The following TNS2 variants were observed in gnomAD, a reference collection of about 807,000 sequenced individuals.
TNS2 encodes tensin-2.
In TNS2, 77 loss-of-function variants were observed where a neutral mutation model predicts 155.7. The observed-to-expected ratio is 0.49, with a 90% CI of 0.41 to 0.60. The LOEUF (loss-of-function observed/expected upper bound fraction) is 0.60, where lower values mean the gene tolerates loss of function less well. TNS2 is among the 20% of genes least tolerant of loss of function. TNS2 has a pLI of 0.00. For missense variants in TNS2, 1,703 were observed against 1,868.8 expected, an observed-to-expected ratio of 0.91 and a Z score of 1.64; for synonymous variants, 726 against 763.9, an observed-to-expected ratio of 0.95 and a Z score of 0.82.
chr12:53,049,016 C>A, upstream of TNS2: 1 of 634,588 alleles, frequency 1.6e-6, no homozygotes, highest in Non-Finnish European at 2.6e-6. Flanking sequence ...GGGCTGAAGA[C>A]TCCCAGGCCA....
intron 23 of TNS2, 31 bp from the exon 24 acceptor site, chr12:53,062,345 T>C: frequency 6.2e-7 from 1 of 1,613,482 alleles, no homozygotes; most frequent in East Asian, 2.2e-5. Context: ...ACCCTGGGCA[T>C]CTCGGGACTT....
chr12:53,059,811 C>A lies in TNS2; in HGVS notation c.2170C>A (p.Pro724Thr), dbSNP rs1944314338. 2 of 1,612,728 alleles carry A rather than the reference C, an allele frequency of 1.2e-6. No homozygotes were observed. Among genetic ancestry groups the A allele is most frequent in the Non-Finnish European group, 8.5e-7 (1 of 1,179,840 alleles). Residue 724 changes from proline to threonine, a missense_variant, in exon 18 of 29, where the codon CCT (proline) becomes ACT (threonine). Pro to Thr is a conservative substitution (Grantham distance 38). Transcript: ENST00000314250. The surrounding 1 kb of genome is among the most constrained non-coding windows in gnomAD (Gnocchi z 4.7). ...AGGGTGGGCAAGTGAGGCTGGCAAGCCTCTCCTGCACCCAGTGCGGCCTGG... is the reference window on the plus strand; with the variant it reads ...AGGGTGGGCAAGTGAGGCTGGCAAGACTCTCCTGCACCCAGTGCGGCCTGG... ...GEGWASEAGK[P>T]LLHPVRPGHP...
rs879870609 is a variant in TNS2 at position 53,063,027 on chromosome 12, G to A, written c.3824-62G>A. The A allele has an allele frequency of 2.0e-6, 3 of 1,500,234 alleles. No individual in the cohort carries two copies. The highest frequency in any genetic ancestry group is 2.7e-6 in the Non-Finnish European group (3 of 1,128,214). The allele number at this position is 1,500,234 out of a possible 1,614,324, so 92.9% of individuals were successfully genotyped here. On this transcript the variant is annotated intron_variant, in intron 25 of 28. Coordinates refer to ENST00000314250, the MANE Select transcript of TNS2 (RefSeq NM_170754.4). This position sits in a 1 kb window ranked among gnomAD's most constrained non-coding sequence, Gnocchi z 5.6. ...ACAGCAGTAGCTGGGGAATGTGCAA[G>A]AGCTGGTGGGGGTGGCTAGGGGATG... is the stretch of plus-strand genomic sequence containing the variant.
rs2121058752 is a variant in TNS2, at chr12:53,050,944, C to T, written c.75+684C>T. Among the ~76,000 whole-genome samples, 1 of 152,178 alleles carries T rather than the reference C, an allele frequency of 6.6e-6. No homozygotes were observed. The highest frequency in any genetic ancestry group is 2.1e-4 in the South Asian group (1 of 4,818). ...AGGAGGACAGCAGGAGTCTGAACTC[C>T]AGAGGAGGGGGAATATGGGTAAAAC... On this transcript the variant is annotated intron_variant, in intron 1 of 28. Transcript: ENST00000314250. This position sits in a 1 kb window ranked among gnomAD's most constrained non-coding sequence, Gnocchi z 4.7.
intron 7 of TNS2, 46 bp downstream of exon 7, chr12:53,054,487 G>C (rs753613224): frequency 1.3e-6 from 2 of 1,529,750 alleles, no homozygotes; most frequent in East Asian, 4.7e-5. Flanking sequence ...AGGGATGTAG[G>C]GTCCAGATGG....
In TNS2 at chr12:53,055,819, C is replaced by T; in HGVS notation, c.735C>T (p.Tyr245=). Residue 245 remains tyrosine (Y), a synonymous_variant, in exon 10 of 29, where the codon TAC becomes TAT. Transcript: ENST00000314250. ...KGKLGVIVSA[Y]MHYSKISAGA... Reference sequence around the variant, plus strand: ...AGCTTGGGGTCATCGTTTCTGCCTACATGCACTACAGCAAGATCTCTGCAG... The same window carrying T: ...AGCTTGGGGTCATCGTTTCTGCCTATATGCACTACAGCAAGATCTCTGCAG... 6.2e-7 allele frequency: 1 copy of T among 1,613,920 alleles called. No homozygotes were observed.
At position 53,061,370 on chromosome 12, in the gene TNS2, C is replaced by T. The variant is rs1208380343; in HGVS notation, c.3359-10C>T. On this transcript the variant is annotated splice_polypyrimidine_tract_variant and intron_variant, in intron 20 of 28. Coordinates refer to ENST00000314250, the MANE Select transcript of TNS2 (RefSeq NM_170754.4). ...CCCTGGGGTCTGAACCTACTCCCTC[C>T]CTGTCCTAGAGCCTCCTACACAAGA... The T allele has an allele frequency of 6.2e-7, 1 of 1,613,978 alleles. No individual in the cohort carries two copies. Among genetic ancestry groups the T allele is most frequent in the South Asian group, 1.1e-5 (1 of 91,080 alleles).
intron 24 of TNS2, 53 bp from the exon 25 acceptor site, chr12:53,062,567 C>A (rs1284409770): frequency 6.2e-7 from 1 of 1,608,740 alleles, no homozygotes; most frequent in African/African-American, 1.3e-5. Context: ...AGTGCTCCAG[C>A]CTGGGGAACA....
chr12:53,060,723 A>T lies in TNS2; in HGVS notation c.2817A>T (p.Arg939Ser). ...CCCCCACCTCAGCGCCCACTCAGAG[A>T]CTGAGTCCTGGCGAGGCCTTGCCCC... ...TRSPTSAPTQRLSPGEALPPV... is the reference protein window; with the variant it reads ...TRSPTSAPTQSLSPGEALPPV... Residue 939 changes from arginine to serine, a missense_variant, in exon 20 of 29, where the codon AGA (arginine) becomes AGT (serine). Transcript: ENST00000314250. The surrounding 1 kb of genome is among the most constrained non-coding windows in gnomAD (Gnocchi z 6.1). 1 of 1,602,372 alleles carries T rather than the reference A, an allele frequency of 6.2e-7. No individual in the cohort carries two copies. The highest frequency in any genetic ancestry group is 8.5e-7 in the Non-Finnish European group (1 of 1,172,704).
Position 53,060,101 on chromosome 12 carries a change from C to T in TNS2, c.2460C>T (p.Ser820=). Residue 820 remains serine, a synonymous_variant, in exon 18 of 29, where the codon AGC becomes AGT. Coordinates refer to ENST00000314250, the MANE Select transcript of TNS2 (RefSeq NM_170754.4). The surrounding 1 kb of genome is among the most constrained non-coding windows in gnomAD (Gnocchi z 6.1). ...CAGGAGAGGGCAGAGGGTATCCCAG[C>T]CCTGGTGCCCACTCCCCACGGGCTG... The part of the protein sequence containing the change: ...GSPGEGRGYP[S]PGAHSPRAGS... 6.2e-7 allele frequency: 1 copy of T among 1,610,946 alleles called. No homozygotes were observed. The highest frequency in any genetic ancestry group is 8.5e-7 in the Non-Finnish European group (1 of 1,178,454).
chr12:53,054,908 T>C (rs1011882808), intron 7 of TNS2, among the ~76,000 whole-genome samples: 13 of 143,590 alleles, frequency 9.1e-5, no homozygotes, highest in Non-Finnish European at 1.6e-4. Flanking sequence ...TTGGCCAGGC[T>C]GGTCTCAAGA....
rs1220968493 is a variant in TNS2 at position 53,061,113 on chromosome 12, C to T, written c.3207C>T (p.Ser1069=). Residue 1069 remains serine, a synonymous_variant, in exon 20 of 29, where the codon AGC becomes AGT. Coordinates refer to ENST00000314250, the MANE Select transcript of TNS2 (RefSeq NM_170754.4). The part of the protein sequence containing the change: ...LAASYDTNGL[S]QPPLPEKRHL... Reference sequence around the variant, plus strand: ...CCTCCTATGACACCAATGGCCTTAGCCAGCCCCCACTTCCTGAGAAACGCC... The same window carrying T: ...CCTCCTATGACACCAATGGCCTTAGTCAGCCCCCACTTCCTGAGAAACGCC... 6.2e-7 allele frequency: 1 copy of T among 1,610,866 alleles called. No homozygotes were observed. The highest frequency in any genetic ancestry group is 1.1e-5 in the South Asian group (1 of 90,672).
At chr12:53,056,074 G>C (rs1944143837) in intron 10 of TNS2, 1 of 491,876 alleles carries the variant, frequency 2.0e-6, no homozygotes, top group African/African-American at 2.0e-5. Context: ...AGTGGAAATG[G>C]GCCGGGTGCG....
rs1300323289 is a variant in TNS2, at chr12:53,062,701, G to T, written c.3823+4G>T. On this transcript the variant is annotated splice_donor_region_variant and intron_variant, in intron 25 of 28. Coordinates refer to ENST00000314250, the MANE Select transcript of TNS2 (RefSeq NM_170754.4). ...GACCTCCTGCGTCAGGGTGCTGGTA[G>T]AGACTTCCCCTCCACTCCCCTCCCT... 1 of 1,613,766 alleles carries T rather than the reference G, an allele frequency of 6.2e-7. No individual in the cohort carries two copies. Among genetic ancestry groups the T allele is most frequent in the Non-Finnish European group, 8.5e-7 (1 of 1,179,888 alleles).
chr12:53,056,565 G>A (rs1021499191), intron 10 of TNS2, among the ~76,000 whole-genome samples: 1 of 152,082 alleles, frequency 6.6e-6, no homozygotes, highest in Non-Finnish European at 1.5e-5. Context: ...CACTGTAATC[G>A]CTGCCTCTGT....
chr12:53,051,939 G>C lies in TNS2; in HGVS notation c.160G>C (p.Asp54His). ...CTGTGCAGTATGTAAGGTGACCATC[G>C]ATGGGACAGGCGTTTCGTGCAGAGG... Reference protein sequence around the residue: ...PVCAVCKVTIDGTGVSCRVCK... With the variant: ...PVCAVCKVTIHGTGVSCRVCK... Residue 54 changes from aspartate to histidine, a missense_variant, in exon 2 of 29, where the codon GAT (aspartate) becomes CAT (histidine). By Grantham distance (81) the Asp-to-His change is moderately conservative (BLOSUM62 -1). Coordinates refer to ENST00000314250, the MANE Select transcript of TNS2 (RefSeq NM_170754.4). 4 of 1,613,442 alleles carry C rather than the reference G, an allele frequency of 2.5e-6. No individual in the cohort carries two copies. The highest frequency in any genetic ancestry group is 3.4e-6 in the Non-Finnish European group (4 of 1,179,696).
chr12:53,051,993 C>A, intron 2 of TNS2, 30 bp downstream of exon 2: 1 of 1,565,644 alleles, frequency 6.4e-7, no homozygotes, highest in Non-Finnish European at 8.8e-7. Context: ...GACTCTGAGA[C>A]CCTCCACCCA....
At position 53,059,721 on chromosome 12, in the gene TNS2, G is replaced by C; in HGVS notation, c.2080G>C (p.Glu694Gln). The change falls in exon 18 of 29, where the codon GAG becomes CAG. Residue 694 changes from glutamate (E) to glutamine (Q), a missense_variant. Transcript: ENST00000314250. The surrounding 1 kb of genome is among the most constrained non-coding windows in gnomAD (Gnocchi z 4.7). ...TGCCCTATACCCATGCCCAGCCTGC[G>C]AGGAGAAGCTGGCGCTGCCTACAGC... ...LPALYPCPAC[E>Q]EKLALPTAAL... 1 of 1,613,106 alleles carries C rather than the reference G, an allele frequency of 6.2e-7. No individual in the cohort carries two copies. The highest frequency in any genetic ancestry group is 2.2e-5 in the East Asian group (1 of 44,870).
chr12:53,059,915 C>T lies in TNS2; in HGVS notation c.2274C>T (p.Pro758=). 2 of 1,611,610 alleles carry T rather than the reference C, an allele frequency of 1.2e-6. No homozygotes were observed. Among genetic ancestry groups the T allele is most frequent in the Non-Finnish European group, 1.7e-6 (2 of 1,178,860 alleles). The change falls in exon 18 of 29, where the codon CCC becomes CCT. Residue 758 remains proline, a synonymous_variant. Transcript: ENST00000314250. The surrounding 1 kb of genome is among the most constrained non-coding windows in gnomAD (Gnocchi z 4.7). ...CTGACTACAGCTGCCTGAAGCCACC[C>T]AAGGCAGGCGAGGAAGGGCACGAGG... ...PMPDYSCLKP[P]KAGEEGHEGC... is the part of the protein sequence containing the mutation.
Sources: allele counts gnomAD v4.1 joint callset (sites outside exome capture counted in the v4.1 genomes callset), GRCh38; gene constraint gnomAD v4.1.1; non-coding constraint Gnocchi (gnomAD v3.1); transcripts MANE v1.5; gene names NCBI Gene and HGNC (gene_info 2026-07-23, HGNC 2026-07-21).